FAM83A: variants seen among roughly 807,000 people sequenced by gnomAD.
FAM83A encodes scaffolding CK1 anchoring protein A.
FAM83A carries 21 observed loss-of-function variants against 24.4 expected under a neutral mutation model. The observed-to-expected ratio is 0.86, with a 90% confidence interval of 0.61 to 1.24. The LOEUF (loss-of-function observed/expected upper bound fraction) is 1.24, where lower values mean the gene tolerates loss of function less well. Ranked by LOEUF, FAM83A falls within the 50% of genes most tolerant of loss-of-function variation. The pLI, the probability that FAM83A is intolerant of heterozygous loss-of-function variation, is 0.00. For missense variants in FAM83A, 617 were observed against 579.8 expected, an observed-to-expected ratio of 1.06 and a Z score of -0.66; for synonymous variants, 270 against 252.4, an observed-to-expected ratio of 1.07 and a Z score of -0.66.
chr8:123,183,092 C>T (rs1485329763), exon 1 of FAM83A: 4 of 1,613,944 alleles, frequency 2.5e-6, no homozygotes, highest in Admixed American at 1.7e-5. Flanking sequence ...AGGGAGCCCC[C>T]GTGTCCCCCA....
At chr8:123,205,833 G>A (rs1290866035) in intron 3 of FAM83A, among the ~76,000 whole-genome samples, 2 of 152,154 alleles carry the variant, frequency 1.3e-5, no homozygotes, top group African/African-American at 4.8e-5. Flanking sequence ...ATCGGAAACA[G>A]AAAAGAGTTG....
upstream of FAM83A, among the ~76,000 whole-genome samples, chr8:123,181,343 A>G (rs1295506830): frequency 2.0e-5 from 3 of 152,252 alleles, no homozygotes; most frequent in Middle Eastern, 3.4e-3. Context: ...TTTTTCTCCA[A>G]AGAATGGCTC....
At chr8:123,194,649 A>C (rs1824087685) in intron 3 of FAM83A, among the ~76,000 whole-genome samples, 1 of 152,052 alleles carries the variant, frequency 6.6e-6, no homozygotes, top group Non-Finnish European at 1.5e-5. Flanking sequence ...ACGCCCAGCG[A>C]ATTTTTGTAT....
upstream of FAM83A, chr8:123,179,635 T>C (rs572369921): frequency 6.6e-6 from 1 of 152,300 alleles, no homozygotes; most frequent in Non-Finnish European, 1.5e-5. Flanking sequence ...GTACGGTGTG[T>C]TTGCTCACTG....
chr8:123,201,325 A>G (rs1238448015), intron 3 of FAM83A: 4 of 152,206 alleles, frequency 2.6e-5, no homozygotes, highest in African/African-American at 7.2e-5. Context: ...CAGCTCTCCA[A>G]TCCCTGTGAA....
exon 2 of FAM83A, chr8:123,191,818 A>G: frequency 1.9e-6 from 3 of 1,613,868 alleles, no homozygotes; most frequent in Non-Finnish European, 1.7e-6. Context: ...GGTCATCCTG[A>G]TGGATGTGTT....
intron 1 of FAM83A, among the ~76,000 whole-genome samples, chr8:123,189,574 C>A (rs951673610): frequency 6.6e-6 from 1 of 152,342 alleles, no homozygotes; most frequent in East Asian, 1.9e-4. Flanking sequence ...TTCAAAGTCA[C>A]CGCTCTGCTC....
intron 3 of FAM83A, among the ~76,000 whole-genome samples, chr8:123,198,147 TA>T (rs1287775847): frequency 6.6e-6 from 1 of 151,902 alleles, no homozygotes; most frequent in Non-Finnish European, 1.5e-5. Flanking sequence ...AATAAATAAA[TA>T]AATAAAGTGA....
chr8:123,179,995 A>T (rs1460509491), upstream of FAM83A: 1 of 152,234 alleles, frequency 6.6e-6, no homozygotes, highest in African/African-American at 2.4e-5. Context: ...GAAAGAAAAA[A>T]GTGAAGCTTG....
intron 3 of FAM83A, among the ~76,000 whole-genome samples, chr8:123,203,396 T>C (rs933389752): frequency 6.6e-6 from 1 of 151,868 alleles, no homozygotes. Context: ...AAGACCAGCC[T>C]GGCCAACATG....
At chr8:123,179,276 C>T (rs1346002533), upstream of FAM83A, 1 of 152,150 alleles carries the variant, frequency 6.6e-6, no homozygotes, top group Non-Finnish European at 1.5e-5. Flanking sequence ...ATTCTGCCCT[C>T]ATGTATTCAT....
At chr8:123,189,854 C>T (rs897982744) in intron 1 of FAM83A, among the ~76,000 whole-genome samples, 3 of 152,190 alleles carry the variant, frequency 2.0e-5, no homozygotes, top group Admixed American at 2.0e-4. Flanking sequence ...CTTCCTCGGG[C>T]ATGTCCTCAA....
At chr8:123,183,442 T>C (rs1355015078) in intron 1 of FAM83A, 106 bp downstream of exon 1, 1 of 1,485,458 alleles carries the variant, frequency 6.7e-7, no homozygotes, top group Non-Finnish European at 9.0e-7. Flanking sequence ...AGAGTCCAGA[T>C]AATTGGGGCT....
chr8:123,193,933 G>A, intron 2 of FAM83A, 91 bp from the exon 3 acceptor site: 11 of 1,507,866 alleles, frequency 7.3e-6, no homozygotes, highest in Non-Finnish European at 9.0e-6. Flanking sequence ...CACAGAATGG[G>A]GGTAAAGGGA....
upstream of FAM83A, chr8:123,182,078 G>A (rs768284837): frequency 1.6e-4 from 72 of 456,258 alleles, no homozygotes; most frequent in African/African-American, 1.2e-3. Flanking sequence ...GCCTCGGCTC[G>A]TTCTCCAGAC....
intron 3 of FAM83A, among the ~76,000 whole-genome samples, chr8:123,204,260 A>T (rs941746630): frequency 2.6e-5 from 4 of 152,062 alleles, no homozygotes; most frequent in Admixed American, 6.6e-5. Context: ...CCCCAAAAAA[A>T]TTTTTTTAAG....
At chr8:123,182,460 G>A, upstream of FAM83A, 1 of 413,030 alleles carries the variant, frequency 2.4e-6, no homozygotes, top group East Asian at 6.9e-5. Context: ...TGGTGCCAGG[G>A]AGGCTCCCTG....
chr8:123,207,331 TG>T lies in FAM83A; in HGVS notation c.950del (p.Gly317AlafsTer104), dbSNP rs1286771262. 6.2e-7 allele frequency: 1 copy of T among 1,611,100 alleles called. No homozygotes were observed. On this transcript the variant is annotated frameshift_variant, in exon 4 of 4. Transcript: ENST00000690554. LOFTEE classifies it low-confidence loss of function (END_TRUNC). ...TCCCGCCCGGAGCAGCCCCGGCCAATGGCCGCCTTAGCAGCAGCAGTGGCTC... is the reference window on the plus strand; with the variant it reads ...TCCCGCCCGGAGCAGCCCCGGCCAATGCCGCCTTAGCAGCAGCAGTGGCTC...
At chr8:123,196,718 T>C (rs942866145) in intron 3 of FAM83A, among the ~76,000 whole-genome samples, 9 of 152,190 alleles carry the variant, frequency 5.9e-5, no homozygotes. Flanking sequence ...TATTTCACCG[T>C]AAGGCACAGA....
Sources: gnomAD v4.1 joint callset for allele counts (sites outside exome capture counted in the v4.1 genomes callset) on GRCh38, gnomAD v4.1.1 for gene constraint, MANE v1.5 for transcripts, NCBI Gene and HGNC (gene_info 2026-07-23, HGNC 2026-07-21) for gene names.